Variants in HACL1 observed in about 807,000 individuals in gnomAD.
HACL1 encodes the protein 1600020H07Rik.
Under a neutral mutation model 74.2 loss-of-function variants are expected in HACL1, and 64 were observed. That is an observed-to-expected ratio of 0.86 (90% CI 0.70 to 1.06). The LOEUF is 1.06. Ranked by LOEUF, HACL1 falls within the 50% of genes least tolerant of loss-of-function variation. The pLI, the probability that HACL1 is intolerant of heterozygous loss-of-function variation, is 0.00. For missense variants in HACL1, 728 were observed against 719.7 expected (o/e 1.01, Z -0.13); for synonymous variants, 230 against 238.8 (o/e 0.96, Z 0.34).
intron 2 of HACL1, among the ~76,000 whole-genome samples, 199 bp from the exon 3 acceptor site, chr3:15,596,623 A>ATATGTATGTTAT (rs1241351229): frequency 2.6e-5 from 4 of 152,230 alleles, no homozygotes; most frequent in Non-Finnish European, 5.9e-5. Flanking sequence ...AAATTTGTTC[A>ATATGTATGTTAT]TATGTATGTT....
At chr3:15,564,108 C>T (rs114738541) in intron 15 of HACL1, among the ~76,000 whole-genome samples, 3,277 of 152,320 alleles carry the variant, frequency 0.022, 49 homozygotes, top group Non-Finnish European at 0.033. Flanking sequence ...TCACATTCTA[C>T]GGCCAGCTAC....
At chr3:15,598,466 G>A (rs994269881) in intron 2 of HACL1, among the ~76,000 whole-genome samples, 25 of 152,186 alleles carry the variant, frequency 1.6e-4, no homozygotes, top group African/African-American at 5.6e-4. Flanking sequence ...TTTCTACTGT[G>A]TAATTTTGGC....
Position 15,560,708 on chromosome 3 carries a change from C to A in HACL1, c.*157G>T. The A allele has an allele frequency of 1.5e-6, 1 of 647,110 alleles. No individual in the cohort carries two copies. Among genetic ancestry groups the A allele is most frequent in the East Asian group, 2.8e-5 (1 of 35,488 alleles). The allele number at this position is 647,110 out of a possible 1,614,324, so 40.1% of individuals were successfully genotyped here. Reference sequence around the variant, plus strand: ...TAACTTTTTCTGTTACTTTTTCTAACTTTTTCTGTTTTTAATCAATTCCTT... The same window carrying A: ...TAACTTTTTCTGTTACTTTTTCTAAATTTTTCTGTTTTTAATCAATTCCTT... On this transcript the variant is annotated 3_prime_UTR_variant, in exon 17 of 17. Transcript: ENST00000321169.
chr3:15,592,196 A>ACACG (rs2063928026), intron 3 of HACL1, among the ~76,000 whole-genome samples: 6 of 150,462 alleles, frequency 4.0e-5, no homozygotes, highest in African/African-American at 1.5e-4. Context: ...ACATACGTAT[A>ACACG]TATGTATACA....
At chr3:15,579,862 C>A (rs769078491) in intron 9 of HACL1, 48 bp downstream of exon 9, 1 of 1,358,970 alleles carries the variant, frequency 7.4e-7, no homozygotes, top group Non-Finnish European at 1.0e-6. Flanking sequence ...TTTAAATTAG[C>A]CTAAAATCTA....
At chr3:15,565,948 TTCAG>T (rs1215750151) in intron 14 of HACL1, among the ~76,000 whole-genome samples, 1 of 152,222 alleles carries the variant, frequency 6.6e-6, no homozygotes, top group Non-Finnish European at 1.5e-5. Flanking sequence ...TCATATTGTA[TTCAG>T]TATTTTAAAG....
intron 6 of HACL1, 56 bp from the exon 7 acceptor site, chr3:15,585,398 C>T: frequency 1.1e-6 from 1 of 936,016 alleles, no homozygotes; most frequent in Non-Finnish European, 1.7e-6. Context: ...TTATCATATT[C>T]TACTCAAAGA....
chr3:15,591,492 G>GT (rs11296184), intron 4 of HACL1, 108 bp downstream of exon 4: 6,026 of 533,336 alleles, frequency 0.011, no homozygotes, highest in South Asian at 0.015. Flanking sequence ...AATTGAAGGG[G>GT]TTTTTTTTTT....
intron 3 of HACL1, among the ~76,000 whole-genome samples, chr3:15,593,965 T>C (rs2064009713): frequency 6.6e-6 from 1 of 151,992 alleles, no homozygotes; most frequent in African/African-American, 2.4e-5. Flanking sequence ...ACCCGGCTAA[T>C]TTTTGTATTT....
At chr3:15,582,246 G>T (rs2063726477) in intron 8 of HACL1, among the ~76,000 whole-genome samples, 1 of 152,148 alleles carries the variant, frequency 6.6e-6, no homozygotes, top group Non-Finnish European at 1.5e-5. Flanking sequence ...AAAGCAATAT[G>T]ACAATATACA....
intron 4 of HACL1, 69 bp downstream of exon 4, chr3:15,591,531 A>G: frequency 1.1e-6 from 1 of 871,598 alleles, no homozygotes; most frequent in Non-Finnish European, 1.9e-6. Context: ...GATCAGCATT[A>G]GCTCTACTCA....
chr3:15,573,965 T>G (rs1423906562), intron 10 of HACL1, among the ~76,000 whole-genome samples: 1 of 152,218 alleles, frequency 6.6e-6, no homozygotes, highest in Non-Finnish European at 1.5e-5. Flanking sequence ...CTTGTTTGTC[T>G]GCAGTTTTAG....
chr3:15,596,398 T>C lies in HACL1; in HGVS notation c.213A>G (p.Gly71=), dbSNP rs766693276. Residue 71 remains glycine (G), a synonymous_variant, in exon 3 of 17, where the codon GGA becomes GGG. Transcript: ENST00000321169. ...TTTTAGTTTACCTGCTTGTCAGATATCCAATCGCGGAGGCAGCATAACAAG... is the reference window on the plus strand; with the variant it reads ...TTTTAGTTTACCTGCTTGTCAGATACCCAATCGCGGAGGCAGCATAACAAG... ...QAACYAASAI[G]YLTSRPGVCL... 3 of 1,595,424 alleles carry C rather than the reference T, an allele frequency of 1.9e-6. No individual in the cohort carries two copies. The highest frequency in any genetic ancestry group is 2.2e-5 in the East Asian group (1 of 44,750).
intron 12 of HACL1, among the ~76,000 whole-genome samples, chr3:15,569,962 C>A (rs1472837875): frequency 6.6e-6 from 1 of 151,378 alleles, no homozygotes; most frequent in Non-Finnish European, 1.5e-5. Flanking sequence ...TGCACTCCAG[C>A]CTGGGCAACA....
chr3:15,577,414 G>A (rs1205378461), intron 9 of HACL1, among the ~76,000 whole-genome samples: 1 of 151,826 alleles, frequency 6.6e-6, no homozygotes, highest in African/African-American at 2.4e-5. Context: ...ACTACAGAAA[G>A]GGAAGCAAGA....
rs540712568 is a variant in HACL1 at position 15,560,790 on chromosome 3, G to GTT, written c.*74_*75insAA. Reference sequence around the variant, plus strand: ...TATTTTGCACAATTTTAACAGTAGAGTAATTTTGCTGTGGAAAATAAAATT... The same window carrying GTT: ...TATTTTGCACAATTTTAACAGTAGAGTTTAATTTTGCTGTGGAAAATAAAATT... On this transcript the variant is annotated 3_prime_UTR_variant, in exon 17 of 17. Transcript: ENST00000321169. 437 of 957,528 alleles carry GTT rather than the reference G, an allele frequency of 4.6e-4. 1 individual carries two copies. In the African/African-American group the frequency reaches 5.5e-3, roughly 12 times the overall value. The allele number at this position is 957,528 out of a possible 1,614,324, so 59.3% of individuals were successfully genotyped here.
chr3:15,562,068 T>C (rs1385582786), intron 16 of HACL1, among the ~76,000 whole-genome samples: 2 of 152,170 alleles, frequency 1.3e-5, no homozygotes, highest in African/African-American at 4.8e-5. Flanking sequence ...GTTACCAAAC[T>C]AACATCCCAG....
Position 15,567,963 on chromosome 3 carries a change from CA to C in HACL1, c.1289del (p.Leu430TrpfsTer36). On this transcript the variant is annotated frameshift_variant, in exon 14 of 17. Transcript: ENST00000321169. LOFTEE classifies it high-confidence loss of function. ...CCACGGCAGCTGCAATAGCAAATCC[CA>C]AACCAACTCCCATTGTTCCGAAAGT... Reference protein sequence around the residue: ...AGTFGTMGVGLGFAIAAAVVA... With the variant: ...AGTFGTMGVGXGFAIAAAVVA... The C allele has an allele frequency of 6.2e-7, 1 of 1,614,164 alleles. No homozygotes were observed. The highest frequency in any genetic ancestry group is 8.5e-7 in the Non-Finnish European group (1 of 1,180,010).
Position 15,567,860 on chromosome 3 carries a change from C to T in HACL1, c.1393G>A (p.Val465Ile). 1 of 1,613,870 alleles carries T rather than the reference C, an allele frequency of 6.2e-7. No individual in the cohort carries two copies. The highest frequency in any genetic ancestry group is 1.1e-5 in the South Asian group (1 of 91,084). ...DSAFGFSGME[V>I]ETICRYNLPI... Reference sequence around the variant, plus strand: ...ATGTTTTACCTGCAGATGGTTTCTACCTCCATGCCAGAAAACCCAAATGCA... The same window carrying T: ...ATGTTTTACCTGCAGATGGTTTCTATCTCCATGCCAGAAAACCCAAATGCA... Residue 465 changes from valine (V) to isoleucine (I), a missense_variant, in exon 14 of 17, where the codon GTA becomes ATA. By Grantham distance (29) the Val-to-Ile change is conservative (BLOSUM62 3). Coordinates refer to ENST00000321169, the MANE Select transcript of HACL1 (RefSeq NM_012260.4).
Sources: gnomAD v4.1 joint callset for allele counts (sites outside exome capture counted in the v4.1 genomes callset) on GRCh38, gnomAD v4.1.1 for gene constraint, MANE v1.5 for transcripts, NCBI Gene and HGNC (gene_info 2026-07-23, HGNC 2026-07-21) for gene names.